The following DNAH5 variants were observed in gnomAD, a reference collection of about 807,000 sequenced individuals.
The protein encoded by DNAH5 is dynein axonemal heavy chain 5.
In DNAH5, 372 loss-of-function variants were observed where a neutral mutation model predicts 518.2. The ratio of observed to expected loss-of-function variants is 0.72; its 90% CI spans 0.66 to 0.78. DNAH5 has a LOEUF of 0.78. DNAH5 is among the 30% of genes least tolerant of loss of function. The probability of loss-of-function intolerance (pLI) is 0.00; values close to 1 mark genes in which losing one functional copy is unlikely to be tolerated. For synonymous variants in DNAH5, 2,039 were observed against 2,025.9 expected, an observed-to-expected ratio of 1.01 and a Z score of -0.17; for missense variants, 5,523 against 5,687.0, an observed-to-expected ratio of 0.97 and a Z score of 0.93.
chr5:13,897,972 A>G (rs577027674), intron 15 of DNAH5: 1 of 152,366 alleles, frequency 6.6e-6, no homozygotes, highest in Admixed American at 6.5e-5. Context: ...GAGCTGCCAT[A>G]TAAGAAATTC....
At chr5:13,925,488 T>C (rs1453787527) in intron 3 of DNAH5, among the ~76,000 whole-genome samples, 1 of 152,184 alleles carries the variant, frequency 6.6e-6, no homozygotes, top group South Asian at 2.1e-4. Context: ...AGAGGTTTGA[T>C]TGGCCTTACA....
chr5:13,730,792 C>T (rs1300966333), intron 68 of DNAH5, among the ~76,000 whole-genome samples: 1 of 151,784 alleles, frequency 6.6e-6, no homozygotes, highest in African/African-American at 2.4e-5. Context: ...CATCTGCCTC[C>T]CAGGTTCAAG....
At chr5:13,721,464 G>A (rs1012045236) in intron 70 of DNAH5, among the ~76,000 whole-genome samples, 2 of 152,106 alleles carry the variant, frequency 1.3e-5, no homozygotes, top group African/African-American at 2.4e-5. Context: ...AAATCAGAGT[G>A]TCAAAAGAAC....
intron 21 of DNAH5, among the ~76,000 whole-genome samples, chr5:13,881,002 T>C (rs1254803371): frequency 1.7e-4 from 26 of 151,780 alleles, no homozygotes; most frequent in Non-Finnish European, 3.2e-4. Context: ...ATAAAGTTCA[T>C]ATAAATGAAA....
At chr5:13,791,615 T>A (rs1215409988) in intron 50 of DNAH5, among the ~76,000 whole-genome samples, 1 of 152,204 alleles carries the variant, frequency 6.6e-6, no homozygotes, top group Non-Finnish European at 1.5e-5. Context: ...TAAGTTAAAG[T>A]GTCAAGCTTA....
chr5:13,781,795 CATATGGTATAGATGTTG>C (rs1755184576), intron 52 of DNAH5, among the ~76,000 whole-genome samples: 1 of 151,958 alleles, frequency 6.6e-6, no homozygotes, highest in Non-Finnish European at 1.5e-5. Context: ...CGAACTAATA[CATATGGTATAGATGTTG>C]GAATTTTAAA....
chr5:13,749,820 C>T (rs190750688), intron 65 of DNAH5, among the ~76,000 whole-genome samples: 255 of 152,262 alleles, frequency 1.7e-3, no homozygotes, highest in Non-Finnish European at 3.0e-3. Flanking sequence ...CATGACAATG[C>T]TAAATTTCCT....
intron 1 of DNAH5, among the ~76,000 whole-genome samples, chr5:13,985,473 A>C (rs1363529504): frequency 2.1e-5 from 3 of 145,706 alleles, no homozygotes; most frequent in African/African-American, 5.0e-5. Flanking sequence ...ATATAAAGCA[A>C]AGATGCAGAT....
rs182659015 is a variant in DNAH5 at position 13,971,617 on chromosome 5, T to G, written c.12+40031A>C. On this transcript the variant is annotated intron_variant, in intron 1 of 78. Transcript: ENST00000681290. ...TGGGGAGTGTCTGCAAAGAGCCCTG[T>G]GATGTGATCCATCTTCAGGTCTCTC... Among the ~76,000 whole-genome samples the G allele has an allele frequency of 1.7e-4, 26 of 152,340 alleles. 1 individual carries two copies. The highest frequency in any genetic ancestry group is 1.3e-3 in the Admixed American group (20 of 15,302).
At chr5:13,970,740 A>C (rs1781807684) in intron 1 of DNAH5, among the ~76,000 whole-genome samples, 1 of 152,128 alleles carries the variant, frequency 6.6e-6, no homozygotes, top group African/African-American at 2.4e-5. Context: ...TCTTGTCTTT[A>C]GATAACCTGA....
chr5:13,742,895 A>G (rs1748799402), intron 65 of DNAH5, among the ~76,000 whole-genome samples: 1 of 152,068 alleles, frequency 6.6e-6, no homozygotes, highest in Admixed American at 6.6e-5. Context: ...CTAGAAAGTT[A>G]TTGGCAAAAG....
At position 13,735,211 on chromosome 5, in the gene DNAH5, A is replaced by G. The variant is rs766711089; in HGVS notation, c.11681T>C (p.Leu3894Pro). 1.3e-5 allele frequency: 21 copies of G among 1,614,020 alleles called. No homozygotes were observed. Among genetic ancestry groups the G allele is most frequent in the African/African-American group, 2.7e-5 (2 of 74,940 alleles). Reference sequence around the variant, plus strand: ...CTTTAGGGTAAGCAACAAGGTGAACAGGAATTTGTGCTCCTCGTACAGCCC... The same window carrying G: ...CTTTAGGGTAAGCAACAAGGTGAACGGGAATTTGTGCTCCTCGTACAGCCC... ...ARGLYEEHKF[L>P]FTLLLTLKID... The change falls in exon 68 of 79, where the codon CTG becomes CCG. Residue 3894 changes from leucine to proline, a missense_variant. Transcript: ENST00000265104.
At chr5:13,896,954 A>G (rs1379223496) in intron 15 of DNAH5, among the ~76,000 whole-genome samples, 1 of 110,902 alleles carries the variant, frequency 9.0e-6, no homozygotes, top group Non-Finnish European at 1.9e-5. Flanking sequence ...TGTTTTGCCT[A>G]GAGTACTAGG....
rs528093115 is a variant in DNAH5 at position 13,707,504 on chromosome 5, C to T, written c.13338+619G>A. Among the ~76,000 whole-genome samples the T allele has an allele frequency of 6.6e-6, 1 of 152,256 alleles. No homozygotes were observed. Among genetic ancestry groups the T allele is most frequent in the East Asian group, 1.9e-4 (1 of 5,178 alleles). ...CATGCCCATTCGGGAGCTGTAAACA[C>T]TAACCCTAGACACTGCCATGGGGTT... is the stretch of plus-strand genomic sequence containing the variant. On this transcript the variant is annotated intron_variant, in intron 76 of 78. Transcript: ENST00000265104. This position sits in a 1 kb window ranked among gnomAD's most constrained non-coding sequence, Gnocchi z 4.0.
At chr5:13,807,145 C>T (rs1285712256) in intron 47 of DNAH5, among the ~76,000 whole-genome samples, 1 of 152,142 alleles carries the variant, frequency 6.6e-6, no homozygotes, top group Non-Finnish European at 1.5e-5. Context: ...AAATGCATTT[C>T]TTTTGGTACT....
chr5:13,922,392 G>A, intron 4 of DNAH5, 64 bp from the exon 5 acceptor site: 1 of 1,436,388 alleles, frequency 7.0e-7, no homozygotes, highest in Non-Finnish European at 9.6e-7. Context: ...CAACTACTAA[G>A]TCATTTCTTA....
chr5:13,759,508 A>G (rs919342746), intron 60 of DNAH5, among the ~76,000 whole-genome samples: 1 of 152,238 alleles, frequency 6.6e-6, no homozygotes, highest in Admixed American at 6.5e-5. Flanking sequence ...GGAGTAATAA[A>G]GGATGTAAAA....
At chr5:13,931,364 T>A in intron 1 of DNAH5, 120 bp from the exon 2 acceptor site, 1 of 1,086,604 alleles carries the variant, frequency 9.2e-7, no homozygotes, top group Non-Finnish European at 1.4e-6. Flanking sequence ...ATAGACAGCT[T>A]AATGGTACCA....
chr5:13,947,829 T>C (rs912323139), upstream of DNAH5, among the ~76,000 whole-genome samples: 1 of 152,182 alleles, frequency 6.6e-6, no homozygotes, highest in African/African-American at 2.4e-5. Context: ...AAATGGCAAA[T>C]GAGTTCAGTG....
Sources: gnomAD v4.1 joint callset for allele counts (sites outside exome capture counted in the v4.1 genomes callset) on GRCh38, gnomAD v4.1.1 for gene constraint, Gnocchi (gnomAD v3.1) non-coding constraint, MANE v1.5 for transcripts, NCBI Gene and HGNC (gene_info 2026-07-23, HGNC 2026-07-21) for gene names.